Variants in SMAD6 observed in about 807,000 individuals in gnomAD.
The protein encoded by SMAD6 is SMAD family member 6.
Under a neutral mutation model 39.4 loss-of-function variants are expected in SMAD6, and 103 were observed. The observed-to-expected ratio is 2.62, with a 90% CI of 2.23 to 3.08. The LOEUF is 3.08. Among genes scored for constraint, SMAD6 ranks in the 30% most tolerant of loss-of-function variants. The probability of loss-of-function intolerance (pLI) is 0.00; values close to 1 mark genes in which losing one functional copy is unlikely to be tolerated. For synonymous variants in SMAD6, 445 were observed against 353.3 expected (o/e 1.26, Z -2.91); for missense variants, 1,104 against 742.9 (o/e 1.49, Z -5.65).
chr15:66,777,983 G>A (rs532989488), intron 3 of SMAD6, among the ~76,000 whole-genome samples: 1 of 152,326 alleles, frequency 6.6e-6, no homozygotes, highest in Admixed American at 6.5e-5. Flanking sequence ...GTTTTGATTG[G>A]GGGGATGGAA....
chr15:66,737,109 C>T (rs539868656), intron 3 of SMAD6, among the ~76,000 whole-genome samples: 26 of 152,328 alleles, frequency 1.7e-4, no homozygotes, highest in African/African-American at 5.1e-4. Flanking sequence ...CACAGGTCTC[C>T]GGAGGAGCTG....
At chr15:66,716,276 A>G in intron 2 of SMAD6, 145 bp from the exon 3 acceptor site, 1 of 650,676 alleles carries the variant, frequency 1.5e-6, no homozygotes, top group East Asian at 2.7e-5. Context: ...TTACAGGGTG[A>G]CATCAGAAAG....
At chr15:66,779,373 G>C (rs891897820) in intron 3 of SMAD6, among the ~76,000 whole-genome samples, 2 of 152,212 alleles carry the variant, frequency 1.3e-5, no homozygotes, top group Non-Finnish European at 2.9e-5. Flanking sequence ...CTGCGGGCTG[G>C]TGTGAGGACT....
At position 66,781,288 on chromosome 15, in the gene SMAD6, C is replaced by G. The variant is rs387907284; in HGVS notation, c.1244C>G (p.Pro415Arg). 14 of 1,604,690 alleles carry G rather than the reference C, an allele frequency of 8.7e-6. No individual in the cohort carries two copies. The South Asian group carries it at 1.5e-4, about 18-fold the overall frequency. The change falls in exon 4 of 4, where the codon CCG (proline) becomes CGG (arginine). Residue 415 changes from proline (P) to arginine (R), a missense_variant. Physicochemically the swap from Pro to Arg is moderately radical, Grantham distance 103. Transcript: ENST00000288840. ...RGEHPIFVNS[P>R]TLDAPGGRAL... ...GAGCACCCCATCTTCGTCAACTCCC[C>G]GACGCTGGACGCGCCCGGCGGCCGC...
At chr15:66,744,358 G>T (rs773007914) in intron 3 of SMAD6, among the ~76,000 whole-genome samples, 5 of 152,202 alleles carry the variant, frequency 3.3e-5, no homozygotes, top group Non-Finnish European at 5.9e-5. Context: ...TAGAGACCAG[G>T]TCTGTGTCCT....
chr15:66,777,869 C>G (rs1420037529), intron 3 of SMAD6, among the ~76,000 whole-genome samples: 2 of 152,206 alleles, frequency 1.3e-5, no homozygotes, highest in East Asian at 1.9e-4. Flanking sequence ...CAGGGTGTCC[C>G]TTAGCTGGAT....
At chr15:66,732,572 G>T (rs994246243) in intron 3 of SMAD6, among the ~76,000 whole-genome samples, 1 of 152,062 alleles carries the variant, frequency 6.6e-6, no homozygotes, top group Non-Finnish European at 1.5e-5. Context: ...ATGTTGCCGA[G>T]GCTGGTCTCG....
rs76843675 is a variant in SMAD6, at chr15:66,752,079, C to T, written c.953-28918C>T. Reference sequence around the variant, plus strand: ...TTTTTTCAGGCAGTTAATAATCCAGCTTTTCAGTTGCTCCTCAGGGAAACC... The same window carrying T: ...TTTTTTCAGGCAGTTAATAATCCAGTTTTTCAGTTGCTCCTCAGGGAAACC... On this transcript the variant is annotated intron_variant, in intron 3 of 3. Coordinates refer to ENST00000288840, the MANE Select transcript of SMAD6 (RefSeq NM_005585.5). Among the ~76,000 whole-genome samples, 837 of 137,044 alleles carry T rather than the reference C, an allele frequency of 6.1e-3. 12 individuals carry two copies. Among genetic ancestry groups the T allele is most frequent in the African/African-American group, 0.022 (803 of 36,598 alleles). The allele number at this position is 137,044 out of a possible 152,430, so 89.9% of individuals were successfully genotyped here.
chr15:66,734,321 A>G (rs1210708419), intron 3 of SMAD6, among the ~76,000 whole-genome samples: 1 of 152,190 alleles, frequency 6.6e-6, no homozygotes, highest in African/African-American at 2.4e-5. Context: ...GGGCATGGCA[A>G]GGGGAAAACA....
chr15:66,778,086 T>TTC (rs1894497625), intron 3 of SMAD6, among the ~76,000 whole-genome samples: 1 of 78,282 alleles, frequency 1.3e-5, no homozygotes, highest in Non-Finnish European at 3.6e-5. Flanking sequence ...TTTCTTTTCC[T>TTC]TTTTTTTTTT....
chr15:66,781,321 TC>T lies in SMAD6; in HGVS notation c.1278del (p.Val427CysfsTer112). 6.3e-7 allele frequency: 1 copy of T among 1,599,704 alleles called. No homozygotes were observed. Among genetic ancestry groups the T allele is most frequent in the Non-Finnish European group, 8.5e-7 (1 of 1,174,428 alleles). On this transcript the variant is annotated frameshift_variant, in exon 4 of 4. Coordinates refer to ENST00000288840, the MANE Select transcript of SMAD6 (RefSeq NM_005585.5). LOFTEE classifies it high-confidence loss of function. Reference sequence around the variant, plus strand: ...GACGCGCCCGGCGGCCGCGCCCTGGTCGTGCGCAAGGTGCCCCCCGGCTACT... The same window carrying T: ...GACGCGCCCGGCGGCCGCGCCCTGGTGTGCGCAAGGTGCCCCCCGGCTACT... Reference protein sequence around the residue: ...TLDAPGGRALVVRKVPPGYSI... With the variant: ...TLDAPGGRALXVRKVPPGYSI...
rs1893032357 is a variant in SMAD6 at position 66,703,636 on chromosome 15, C to T, written c.378C>T (p.Cys126=). ...AGAGTGACTGCGAGACGGTGACCTGCTGTCTCTTTTCGGAGCGGGACGCCG... is the reference window on the plus strand; with the variant it reads ...AGAGTGACTGCGAGACGGTGACCTGTTGTCTCTTTTCGGAGCGGGACGCCG... ...LPESDCETVT[C]CLFSERDAAG... is the part of the protein sequence containing the mutation. Residue 126 remains cysteine (C), a synonymous_variant, in exon 1 of 4, where the codon TGC becomes TGT. Coordinates refer to ENST00000288840, the MANE Select transcript of SMAD6 (RefSeq NM_005585.5). The T allele has an allele frequency of 4.1e-6, 5 of 1,233,294 alleles. 1 individual carries two copies. Among genetic ancestry groups the T allele is most frequent in the South Asian group, 8.1e-5 (2 of 24,686 alleles). The allele number at this position is 1,233,294 out of a possible 1,614,324, so 76.4% of individuals were successfully genotyped here.
intron 3 of SMAD6, among the ~76,000 whole-genome samples, chr15:66,772,519 G>T: frequency 6.6e-6 from 1 of 152,162 alleles, no homozygotes; most frequent in Non-Finnish European, 1.5e-5. Context: ...TATACAGGCT[G>T]AGTCAATCTA....
intron 3 of SMAD6, among the ~76,000 whole-genome samples, chr15:66,740,269 T>G (rs1300125913): frequency 1.3e-5 from 2 of 152,230 alleles, no homozygotes; most frequent in African/African-American, 4.8e-5. Context: ...TCTTTGAGCT[T>G]CTGCAGCCCT....
intron 1 of SMAD6, chr15:66,708,560 C>T (rs539852832): frequency 3.1e-5 from 11 of 359,316 alleles, no homozygotes; most frequent in East Asian, 1.5e-4. Context: ...AAATATGGTA[C>T]GTCCGAAGAA....
Position 66,703,342 on chromosome 15 carries a change from C to T in SMAD6, c.84C>T (p.Gly28=), listed in dbSNP as rs891756627. 1.3e-5 allele frequency: 19 copies of T among 1,483,448 alleles called. No individual in the cohort carries two copies. The highest frequency in any genetic ancestry group is 8.8e-5 in the African/African-American group (6 of 68,000). The allele number at this position is 1,483,448 out of a possible 1,614,324, so 91.9% of individuals were successfully genotyped here. Residue 28 remains glycine (G), a synonymous_variant, in exon 1 of 4, where the codon GGC becomes GGT. Coordinates refer to ENST00000288840, the MANE Select transcript of SMAD6 (RefSeq NM_005585.5). The part of the protein sequence containing the change: ...VVPDREEGGS[G]GGGGGDEDGS... ...CCGACCGGGAGGAAGGCGGCAGCGG[C>T]GGCGGCGGTGGCGGCGACGAGGATG...
rs1454993080 is a variant in SMAD6 at position 66,747,391 on chromosome 15, GC to G, written c.952+30895del. ...CTGCCTCCGTCAGCAGGAGGCTCTGGCCAGACTCTGCTTCCCCGTGGGGAAC... is the reference window on the plus strand; with the variant it reads ...CTGCCTCCGTCAGCAGGAGGCTCTGGCAGACTCTGCTTCCCCGTGGGGAAC... On this transcript the variant is annotated intron_variant, in intron 3 of 3. Transcript: ENST00000288840. The surrounding 1 kb of genome is among the most constrained non-coding windows in gnomAD (Gnocchi z 4.5). Among the ~76,000 whole-genome samples the G allele has an allele frequency of 1.3e-5, 2 of 152,240 alleles. No individual in the cohort carries two copies. The highest frequency in any genetic ancestry group is 6.5e-5 in the Admixed American group (1 of 15,286).
At chr15:66,755,470 T>C (rs1378559672) in intron 3 of SMAD6, among the ~76,000 whole-genome samples, 1 of 152,206 alleles carries the variant, frequency 6.6e-6, no homozygotes, top group Non-Finnish European at 1.5e-5. Context: ...TGCTCAAGTT[T>C]CTTTTATGAG....
At chr15:66,740,383 A>C (rs1356056631) in intron 3 of SMAD6, 1 of 152,174 alleles carries the variant, frequency 6.6e-6, no homozygotes, top group Non-Finnish European at 1.5e-5. Flanking sequence ...AAGGAGACAC[A>C]TCTGATCCTT....
Sources: allele counts gnomAD v4.1 joint callset (sites outside exome capture counted in the v4.1 genomes callset), GRCh38; gene constraint gnomAD v4.1.1; non-coding constraint Gnocchi (gnomAD v3.1); transcripts MANE v1.5; gene names NCBI Gene and HGNC (gene_info 2026-07-23, HGNC 2026-07-21).